Variants in NRG4 observed in about 807,000 individuals in gnomAD.
NRG4 encodes the protein pro-neuregulin-4, membrane-bound isoform.
NRG4 carries 10 observed loss-of-function variants against 15.0 expected under a neutral mutation model. The ratio of observed to expected loss-of-function variants is 0.67; its 90% CI spans 0.41 to 1.13. The LOEUF is 1.13. Ranked by LOEUF, NRG4 falls within the 50% of genes most tolerant of loss-of-function variation. The pLI, the probability that NRG4 is intolerant of heterozygous loss-of-function variation, is 0.00. For synonymous variants in NRG4, 41 were observed against 50.1 expected, an observed-to-expected ratio of 0.82 and a Z score of 0.77; for missense variants, 139 against 140.2, an observed-to-expected ratio of 0.99 and a Z score of 0.04.
At chr15:76,009,071 CTAAA>C (rs1176831808) in intron 3 of NRG4, 125 bp downstream of exon 3, 1 of 628,340 alleles carries the variant, frequency 1.6e-6, no homozygotes. Flanking sequence ...ATAATTTTCC[CTAAA>C]TAAATATGAA....
chr15:75,944,820 T>C (rs1047384601), intron 5 of NRG4, among the ~76,000 whole-genome samples: 1 of 152,080 alleles, frequency 6.6e-6, no homozygotes, highest in Non-Finnish European at 1.5e-5. Context: ...TTGACTGAGA[T>C]TGTTCAACCT....
intron 3 of NRG4, among the ~76,000 whole-genome samples, chr15:75,978,713 C>A (rs2033473915): frequency 6.6e-6 from 1 of 152,124 alleles, no homozygotes; most frequent in African/African-American, 2.4e-5. Flanking sequence ...TTATTTTTGT[C>A]TTTCTGATAA....
chr15:76,056,339 C>T (rs1377679068), intron 2 of NRG4, among the ~76,000 whole-genome samples: 1 of 152,014 alleles, frequency 6.6e-6, no homozygotes, highest in African/African-American at 2.4e-5. Context: ...TGCCTGTAAT[C>T]CCAGCTACTC....
intron 3 of NRG4, among the ~76,000 whole-genome samples, chr15:75,990,296 C>A (rs1040597947): frequency 6.6e-6 from 1 of 152,128 alleles, no homozygotes; most frequent in Non-Finnish European, 1.5e-5. Flanking sequence ...CCATGTCAAC[C>A]TCCCTGACCT....
At chr15:76,023,291 G>GCCGGGGAGGTACCTATAGTGATTGGAAT (rs2035216839) in intron 5 of NRG4, among the ~76,000 whole-genome samples, 6 of 91,802 alleles carry the variant, frequency 6.5e-5, no homozygotes, top group Admixed American at 3.0e-4. Flanking sequence ...GTGATTGGAA[G>GCCGGGGAGGTACCTATAGTGATTGGAAT]CCCAGAAGGT....
chr15:75,980,981 T>C (rs2033585171), intron 3 of NRG4, among the ~76,000 whole-genome samples: 1 of 151,988 alleles, frequency 6.6e-6, no homozygotes, highest in South Asian at 2.1e-4. Flanking sequence ...AATACATAAA[T>C]CCAAGAGCTG....
intron 5 of NRG4, among the ~76,000 whole-genome samples, chr15:76,028,683 T>G (rs2035381816): frequency 6.6e-6 from 1 of 151,788 alleles, no homozygotes; most frequent in Non-Finnish European, 1.5e-5. Flanking sequence ...GTGGATCACT[T>G]AAGGCCAGGA....
chr15:75,947,038 T>A (rs1381076127), intron 5 of NRG4, among the ~76,000 whole-genome samples: 1 of 152,186 alleles, frequency 6.6e-6, no homozygotes, highest in Non-Finnish European at 1.5e-5. Flanking sequence ...GAAGTAACCA[T>A]GTTCTTGGTT....
Position 75,977,221 on chromosome 15 carries a change from C to T in NRG4, c.105-15247G>A, listed in dbSNP as rs529297294. On this transcript the variant is annotated intron_variant, in intron 3 of 5. Coordinates refer to ENST00000394907, the MANE Select transcript of NRG4 (RefSeq NM_138573.4). This position sits in a 1 kb window ranked among gnomAD's most constrained non-coding sequence, Gnocchi z 4.9. ...CGACTTCAGACTGCTGTGCTGGCAG[C>T]GAGAATTTCAAGCCAGTGGACTTTA... is the stretch of plus-strand genomic sequence containing the variant. Among the ~76,000 whole-genome samples the T allele has an allele frequency of 7.9e-5, 12 of 152,284 alleles. No homozygotes were observed. The highest frequency in any genetic ancestry group is 5.8e-4 in the East Asian group (3 of 5,180).
At chr15:75,943,689 C>G in intron 5 of NRG4, 35 bp from the exon 6 acceptor site, 4 of 1,457,244 alleles carry the variant, frequency 2.7e-6, no homozygotes, top group Non-Finnish European at 3.8e-6. Context: ...GATGCTTTCT[C>G]CATTGCAATG....
chr15:76,054,129 C>G (rs2036093559), intron 2 of NRG4, among the ~76,000 whole-genome samples: 1 of 150,556 alleles, frequency 6.6e-6, no homozygotes, highest in Non-Finnish European at 1.5e-5. Context: ...ACACTGTCAC[C>G]CAGGCTGGAG....
chr15:75,954,119 C>T (rs868440502), intron 5 of NRG4, among the ~76,000 whole-genome samples: 6 of 152,222 alleles, frequency 3.9e-5, no homozygotes, highest in Middle Eastern at 3.4e-3. Context: ...CTGCAGTTGT[C>T]GCACAGTTCA....
intron 5 of NRG4, among the ~76,000 whole-genome samples, chr15:75,953,046 T>C (rs1053700880): frequency 1.3e-5 from 2 of 152,184 alleles, no homozygotes; most frequent in Non-Finnish European, 2.9e-5. Flanking sequence ...TTTGTATTTT[T>C]TCTTTTGTTG....
At chr15:75,976,088 C>G (rs2033351926) in intron 3 of NRG4, among the ~76,000 whole-genome samples, 1 of 152,086 alleles carries the variant, frequency 6.6e-6, no homozygotes, top group South Asian at 2.1e-4. Context: ...ATCAATTGAT[C>G]TTCAACATCT....
At chr15:76,004,522 G>T (rs991991242) in intron 3 of NRG4, among the ~76,000 whole-genome samples, 2 of 150,246 alleles carry the variant, frequency 1.3e-5, no homozygotes, top group African/African-American at 2.5e-5. Flanking sequence ...TCACTTGAAC[G>T]CAGGAGGCAG....
chr15:76,037,853 G>A (rs1467125631), intron 4 of NRG4, among the ~76,000 whole-genome samples: 1 of 152,164 alleles, frequency 6.6e-6, no homozygotes, highest in East Asian at 1.9e-4. Context: ...CGCTTGAGAG[G>A]AGAGAAGAGG....
chr15:76,035,756 G>A (rs1319449172), intron 5 of NRG4, among the ~76,000 whole-genome samples: 1 of 152,126 alleles, frequency 6.6e-6, no homozygotes, highest in African/African-American at 2.4e-5. Context: ...AAATACCCAT[G>A]TTTGTTAACA....
At chr15:75,948,369 G>A (rs1398801048) in intron 5 of NRG4, among the ~76,000 whole-genome samples, 2 of 151,184 alleles carry the variant, frequency 1.3e-5, no homozygotes, top group African/African-American at 2.4e-5. Context: ...TCGTGATCTC[G>A]GCTCACTTCA....
intron 5 of NRG4, among the ~76,000 whole-genome samples, chr15:76,022,392 A>G (rs540963937): frequency 6.6e-6 from 1 of 150,694 alleles, no homozygotes; most frequent in East Asian, 2.0e-4. Flanking sequence ...TAAACCTAAT[A>G]TTTTCACAGA....
Sources: gnomAD v4.1 joint callset for allele counts (sites outside exome capture counted in the v4.1 genomes callset) on GRCh38, gnomAD v4.1.1 for gene constraint, Gnocchi (gnomAD v3.1) non-coding constraint, MANE v1.5 for transcripts, NCBI Gene and HGNC (gene_info 2026-07-23, HGNC 2026-07-21) for gene names.